The following C9orf72 variants were observed in gnomAD, a reference collection of about 807,000 sequenced individuals.
C9orf72 encodes C9orf72-SMCR8 complex subunit, also known as guanine nucleotide exchange factor C9orf72.
A neutral mutation model predicts 51.6 loss-of-function variants in C9orf72; 44 were observed. The ratio of observed to expected loss-of-function variants is 0.85; its 90% CI spans 0.67 to 1.10. C9orf72 has a LOEUF of 1.10. Among genes scored for constraint, C9orf72 ranks in the 50% least tolerant of loss-of-function variants. The pLI is 0.00. For missense variants in C9orf72, 607 were observed against 570.6 expected (o/e 1.06, Z -0.65); for synonymous variants, 213 against 194.2 (o/e 1.10, Z -0.81).
intron 9 of C9orf72, among the ~76,000 whole-genome samples, chr9:27,549,020 T>C (rs896992522): frequency 1.3e-5 from 2 of 152,118 alleles, no homozygotes; most frequent in African/African-American, 4.8e-5. Context: ...AATTTTTGTA[T>C]ACTTAGTAGA....
At chr9:27,550,175 G>A (rs942080419) in intron 9 of C9orf72, among the ~76,000 whole-genome samples, 14 of 148,204 alleles carry the variant, frequency 9.4e-5, no homozygotes, top group African/African-American at 3.2e-4. Flanking sequence ...ATATATGCTC[G>A]TACTATATAT....
chr9:27,564,988 A>G lies in C9orf72; in HGVS notation c.504+543T>C, dbSNP rs138593439. On this transcript the variant is annotated intron_variant, in intron 3 of 10. Transcript: ENST00000380003. ...GAGGGGCATTCAAAGCCAAGGGATA[A>G]ACATGGCACATTTTCCTAGAGGAGA... Among the ~76,000 whole-genome samples, 16 of 152,314 alleles carry G rather than the reference A, an allele frequency of 1.1e-4. No individual in the cohort carries two copies. The East Asian group carries it at 3.1e-3, about 29-fold the overall frequency.
At chr9:27,553,414 AC>A (rs950223130) in intron 8 of C9orf72, among the ~76,000 whole-genome samples, 2 of 152,176 alleles carry the variant, frequency 1.3e-5, no homozygotes, top group African/African-American at 4.8e-5. Context: ...CCACACACTT[AC>A]AACCATCTGA....
At chr9:27,569,772 A>G (rs1398545605) in intron 1 of C9orf72, among the ~76,000 whole-genome samples, 2 of 152,262 alleles carry the variant, frequency 1.3e-5, no homozygotes, top group Non-Finnish European at 2.9e-5. Flanking sequence ...AAGTCTATTT[A>G]TAATAATAGC....
At chr9:27,551,809 T>C (rs1247551055) in intron 8 of C9orf72, among the ~76,000 whole-genome samples, 3 of 152,234 alleles carry the variant, frequency 2.0e-5, no homozygotes, top group Non-Finnish European at 1.5e-5. Context: ...TAAAGCAAGG[T>C]GTTAAAAAAG....
intron 8 of C9orf72, 161 bp downstream of exon 8, chr9:27,556,400 G>C (rs1336550628): frequency 1.7e-6 from 1 of 595,892 alleles, no homozygotes; most frequent in Non-Finnish European, 3.0e-6. Context: ...GGAAAAAGAA[G>C]AACATTTAAG....
At chr9:27,549,173 A>C (rs1820852671) in intron 9 of C9orf72, among the ~76,000 whole-genome samples, 1 of 152,238 alleles carries the variant, frequency 6.6e-6, no homozygotes, top group South Asian at 2.1e-4. Context: ...TTTCTAATTT[A>C]TCTTTAAAAA....
At chr9:27,569,125 G>C (rs938111077) in intron 1 of C9orf72, among the ~76,000 whole-genome samples, 4 of 151,832 alleles carry the variant, frequency 2.6e-5, no homozygotes, top group Admixed American at 1.3e-4. Context: ...AAAGCTTCTA[G>C]AATAAGGATA....
intron 6 of C9orf72, 103 bp downstream of exon 6, chr9:27,560,124 C>T: frequency 1.4e-6 from 1 of 702,620 alleles, no homozygotes; most frequent in Non-Finnish European, 2.3e-6. Context: ...CCTCCTTATA[C>T]TACTAGATCA....
intron 5 of C9orf72, chr9:27,560,710 T>C: frequency 1.0e-6 from 1 of 987,068 alleles, no homozygotes. Flanking sequence ...TTAAGGCTCT[T>C]AGGTTAAACA....
intron 3 of C9orf72, among the ~76,000 whole-genome samples, chr9:27,565,215 C>T (rs1587316864): frequency 2.8e-5 from 4 of 143,844 alleles, no homozygotes; most frequent in African/African-American, 1.0e-4. Flanking sequence ...AGAAGTAGTA[C>T]CTTAAAGAAC....
In C9orf72 at chr9:27,567,035, G is replaced by A. The variant is rs140145837; in HGVS notation, c.86C>T (p.Thr29Ile). 1.9e-6 allele frequency: 3 copies of A among 1,613,932 alleles called. No individual in the cohort carries two copies. The highest frequency in any genetic ancestry group is 1.3e-5 in the African/African-American group (1 of 74,914). Residue 29 changes from threonine (T) to isoleucine (I), a missense_variant, in exon 2 of 11, where the codon ACT becomes ATT. Thr to Ile is a moderately conservative substitution (Grantham distance 89). Transcript: ENST00000380003. The part of the protein sequence containing the change: ...LSGKSPLLAA[T>I]FAYWDNILGP... ...AAGAATATTGTCCCAGTAAGCAAAA[G>A]TAGCTGCTAATAAAGGTGATTTGCC...
At chr9:27,549,627 G>A (rs188517819) in intron 9 of C9orf72, among the ~76,000 whole-genome samples, 4 of 152,116 alleles carry the variant, frequency 2.6e-5, no homozygotes, top group Non-Finnish European at 4.4e-5. Flanking sequence ...TAAGAAATAA[G>A]TTCCATATAA....
intron 3 of C9orf72, among the ~76,000 whole-genome samples, chr9:27,563,465 A>G (rs893434258): frequency 1.3e-5 from 2 of 152,210 alleles, no homozygotes; most frequent in African/African-American, 4.8e-5. Context: ...TCAAATGACT[A>G]TGCATTTTTA....
chr9:27,568,085 T>TAA (rs1563906323), intron 1 of C9orf72, among the ~76,000 whole-genome samples: 298 of 10,884 alleles, frequency 0.027, 2 homozygotes, highest in African/African-American at 0.1. Flanking sequence ...CGCTAAAAGG[T>TAA]CAAAAAAAAA....
At chr9:27,573,529 G>GACCAC (rs779255916), upstream of C9orf72, 10 of 33,110 alleles carry the variant, frequency 3.0e-4, no homozygotes, top group East Asian at 6.0e-3. Flanking sequence ...ACCACGCCCC[G>GACCAC]GCCCCGGCCC....
chr9:27,569,237 T>C (rs899592518), intron 1 of C9orf72, among the ~76,000 whole-genome samples: 1 of 152,216 alleles, frequency 6.6e-6, no homozygotes, highest in Admixed American at 6.5e-5. Flanking sequence ...TAAAAAGTTA[T>C]AATTTTTTAT....
At chr9:27,548,534 T>G in intron 10 of C9orf72, 23 bp downstream of exon 10, 1 of 1,519,412 alleles carries the variant, frequency 6.6e-7, no homozygotes, top group Non-Finnish European at 9.1e-7. Flanking sequence ...AAGGTTTTTC[T>G]TCCGTGTAGG....
chr9:27,573,517 C>CCGG (rs1227885325), upstream of C9orf72: 2 of 42,344 alleles, frequency 4.7e-5, no homozygotes, highest in African/African-American at 9.8e-5. Context: ...GGGCCCGCCC[C>CCGG]GACCACGCCC....
Sources: gnomAD v4.1 joint callset for allele counts (sites outside exome capture counted in the v4.1 genomes callset) on GRCh38, gnomAD v4.1.1 for gene constraint, MANE v1.5 for transcripts, NCBI Gene and HGNC (gene_info 2026-07-23, HGNC 2026-07-21) for gene names.